Variants in TMEM170A observed in about 807,000 individuals in gnomAD.
The protein encoded by TMEM170A is transmembrane protein 170A.
In TMEM170A, 18 loss-of-function variants were observed where a neutral mutation model predicts 12.8. That is an observed-to-expected ratio of 1.41 (90% CI 0.97 to 2.09). TMEM170A has a LOEUF of 2.09. Ranked by LOEUF, TMEM170A falls within the 30% of genes most tolerant of loss-of-function variation. The pLI is 0.00. For synonymous variants in TMEM170A, 107 were observed against 76.2 expected (o/e 1.40, Z -2.11); for missense variants, 220 against 179.9 (o/e 1.22, Z -1.28).
chr16:75,454,492 G>T (rs1042966738), intron 1 of TMEM170A, among the ~76,000 whole-genome samples: 1 of 148,102 alleles, frequency 6.8e-6, no homozygotes, highest in African/African-American at 2.6e-5. Flanking sequence ...AAAATTAGCC[G>T]GGCATGGTGG....
chr16:75,450,846 G>C (rs574889410), intron 2 of TMEM170A, among the ~76,000 whole-genome samples: 1 of 152,152 alleles, frequency 6.6e-6, no homozygotes, highest in Non-Finnish European at 1.5e-5. Flanking sequence ...TTTATTTGTA[G>C]AGATGGGGTC....
At chr16:75,451,611 C>A (rs760581666) in intron 2 of TMEM170A, 58 bp downstream of exon 2, 11 of 1,562,470 alleles carry the variant, frequency 7.0e-6, no homozygotes, top group Non-Finnish European at 8.8e-6. Flanking sequence ...TAGAATAGGT[C>A]CTGAAATTGA....
At chr16:75,456,556 G>C (rs1170217547) in intron 1 of TMEM170A, among the ~76,000 whole-genome samples, 1 of 152,146 alleles carries the variant, frequency 6.6e-6, no homozygotes, top group East Asian at 1.9e-4. Context: ...AGGATTCTTG[G>C]TCCTCAGGGT....
chr16:75,443,916 C>A lies in TMEM170A; in HGVS notation c.*3642G>T. The stretch of plus-strand genomic sequence containing the variant: ...CCAGCCTGTCCAACATAATCAAACC[C>A]TGTCTCTACTAAAAATACAAAAATT... On this transcript the variant is annotated 3_prime_UTR_variant, in exon 3 of 3. Transcript: ENST00000561878. The A allele has an allele frequency of 6.6e-6, 1 of 152,128 alleles. No homozygotes were observed. Among genetic ancestry groups the A allele is most frequent in the East Asian group, 1.9e-4 (1 of 5,178 alleles). The allele number at this position is 152,128 out of a possible 1,614,324, so 9.4% of individuals were successfully genotyped here. A position where few individuals can be genotyped will look rare whatever the true frequency, so the allele number is the denominator to read the frequency against.
intron 2 of TMEM170A, 124 bp downstream of exon 2, chr16:75,451,545 G>T: frequency 2.0e-6 from 2 of 1,013,638 alleles, no homozygotes; most frequent in Non-Finnish European, 3.0e-6. Context: ...GGGAGACCCT[G>T]TCTGGACTTG....
At chr16:75,464,692 C>T, upstream of TMEM170A, 3 of 1,473,102 alleles carry the variant, frequency 2.0e-6, no homozygotes, top group East Asian at 2.9e-5. Context: ...TCAGCGTCAC[C>T]TCCAGCCGGG....
At chr16:75,456,800 G>A (rs926980035) in intron 1 of TMEM170A, among the ~76,000 whole-genome samples, 2 of 152,160 alleles carry the variant, frequency 1.3e-5, no homozygotes, top group Middle Eastern at 3.2e-3. Flanking sequence ...CAGCTACTGT[G>A]GCCCCTGGAT....
At chr16:75,462,280 C>T (rs143096991) in intron 1 of TMEM170A, among the ~76,000 whole-genome samples, 4 of 152,344 alleles carry the variant, frequency 2.6e-5, no homozygotes, top group East Asian at 1.9e-4. Context: ...AGTGCAGTGG[C>T]GCAATCTTGG....
chr16:75,463,442 G>T (rs12448829), intron 1 of TMEM170A, among the ~76,000 whole-genome samples: 3 of 151,542 alleles, frequency 2.0e-5, no homozygotes, highest in East Asian at 1.9e-4. Flanking sequence ...AATCCCGTCC[G>T]GGAAAATCCC....
At chr16:75,464,088 C>A (rs1466706360) in intron 1 of TMEM170A, 2 of 891,806 alleles carry the variant, frequency 2.2e-6, no homozygotes, top group East Asian at 3.2e-5. Flanking sequence ...TCGAAGGAGG[C>A]CGGGCGCCGT....
chr16:75,457,093 T>C (rs1282503669), intron 1 of TMEM170A, among the ~76,000 whole-genome samples: 6 of 152,258 alleles, frequency 3.9e-5, no homozygotes, highest in African/African-American at 1.4e-4. Context: ...ACCTGGCTGC[T>C]GTCTGCCCCA....
intron 2 of TMEM170A, among the ~76,000 whole-genome samples, chr16:75,449,126 G>A (rs2079635578): frequency 6.6e-6 from 1 of 151,956 alleles, no homozygotes; most frequent in Admixed American, 6.6e-5. Context: ...AGATTTCCCA[G>A]ATGACCCTCC....
intron 1 of TMEM170A, among the ~76,000 whole-genome samples, chr16:75,463,431 C>G (rs28664995): frequency 0.015 from 2,287 of 152,228 alleles, 70 homozygotes; most frequent in African/African-American, 0.052. Flanking sequence ...CGCTACTTCA[C>G]AATCCCGTCC....
chr16:75,453,742 G>C (rs1388024270), intron 1 of TMEM170A, among the ~76,000 whole-genome samples: 2 of 152,202 alleles, frequency 1.3e-5, no homozygotes, highest in African/African-American at 4.8e-5. Context: ...CAACAGTGCA[G>C]GTTAGGAGAG....
At chr16:75,454,483 A>ACACACAC in intron 1 of TMEM170A, among the ~76,000 whole-genome samples, 1 of 107,970 alleles carries the variant, frequency 9.3e-6, no homozygotes, top group African/African-American at 3.5e-5. Flanking sequence ...CACACACACA[A>ACACACAC]AATTAGCCGG....
chr16:75,451,875 G>A, intron 1 of TMEM170A, 36 bp from the exon 2 acceptor site: 2 of 1,560,994 alleles, frequency 1.3e-6, no homozygotes, highest in Non-Finnish European at 8.7e-7. Context: ...GTGAATCACT[G>A]CCCTTCCCAG....
chr16:75,461,986 CAG>C (rs2079917283), intron 1 of TMEM170A, among the ~76,000 whole-genome samples: 1 of 152,152 alleles, frequency 6.6e-6, no homozygotes, highest in Non-Finnish European at 1.5e-5. Flanking sequence ...AACTAAAAGC[CAG>C]AGACTCAACA....
intron 1 of TMEM170A, among the ~76,000 whole-genome samples, chr16:75,460,319 C>T (rs1318462902): frequency 6.6e-6 from 1 of 151,866 alleles, no homozygotes; most frequent in Non-Finnish European, 1.5e-5. Context: ...CTGGATTGTA[C>T]ACTTTTTTAA....
intron 1 of TMEM170A, chr16:75,452,724 G>C (rs1380547051): frequency 6.6e-6 from 1 of 152,042 alleles, no homozygotes; most frequent in Non-Finnish European, 1.5e-5. Flanking sequence ...ACAGGTGTGA[G>C]GCCACCGCAC....
Sources: allele counts gnomAD v4.1 joint callset (sites outside exome capture counted in the v4.1 genomes callset), GRCh38; gene constraint gnomAD v4.1.1; transcripts MANE v1.5; gene names NCBI Gene and HGNC (gene_info 2026-07-23, HGNC 2026-07-21).